TTC24: variants seen among roughly 807,000 people sequenced by gnomAD.
TTC24 encodes tetratricopeptide repeat domain 24.
In TTC24, 54 loss-of-function variants were observed where a neutral mutation model predicts 63.3. The observed-to-expected ratio is 0.85, with a 90% CI of 0.69 to 1.07. The LOEUF (loss-of-function observed/expected upper bound fraction) is 1.07. Among genes scored for constraint, TTC24 ranks in the 50% least tolerant of loss-of-function variants. TTC24 has a pLI of 0.00. For missense variants in TTC24, 680 were observed against 730.5 expected (o/e 0.93, Z 0.80); for synonymous variants, 276 against 304.3 (o/e 0.91, Z 0.97).
In TTC24 at chr1:156,585,301, G is replaced by A. The variant is rs564290177; in HGVS notation, c.1456+70G>A. On this transcript the variant is annotated intron_variant, in intron 8 of 10. Transcript: ENST00000368236. ...AAATATGGCACTCCCACCCCCACCC[G>A]CCTGCCTCCGCTTCTTATGCCCATC... 1.5e-5 allele frequency: 15 copies of A among 998,184 alleles called. No homozygotes were observed. In the African/African-American group the frequency reaches 1.5e-4, roughly 10 times the overall value. 61.8% of individuals were successfully genotyped at this position (998,184 alleles called of 1,614,324 possible).
In TTC24 at chr1:156,584,898, C is replaced by T. The variant is rs779250064; in HGVS notation, c.1273C>T (p.Gln425Ter). ...HTLTSAPGRL[Q>*]APGGASQAEG... ...CCAGACTTCGGCTCCGGGAAGACTCCAGGCTCCAGGTGGGGCCAGCCAGGC... is the reference window on the plus strand; with the variant it reads ...CCAGACTTCGGCTCCGGGAAGACTCTAGGCTCCAGGTGGGGCCAGCCAGGC... The change falls in exon 7 of 11, where the codon CAG becomes TAG. Residue 425 changes from glutamine to a stop codon, truncating the protein, a stop_gained. Transcript: ENST00000368236. LOFTEE classifies it high-confidence loss of function. The T allele has an allele frequency of 1.3e-5, 21 of 1,593,680 alleles. 1 individual carries two copies. In the South Asian group the frequency reaches 2.4e-4, roughly 18 times the overall value.
At chr1:156,584,460 T>C (rs778497735) in intron 6 of TTC24, 3 of 168,570 alleles carry the variant, frequency 1.8e-5, no homozygotes, top group Non-Finnish European at 2.5e-5. Flanking sequence ...ATGTATTTAA[T>C]AGGTTTTATG....
rs942435177 is a variant in TTC24, at chr1:156,583,651, C to G, written c.1153-146C>G. The G allele has an allele frequency of 5.5e-6, 5 of 913,666 alleles. No individual in the cohort carries two copies. The African/African-American group carries it at 6.7e-5, about 12-fold the overall frequency. 56.6% of individuals were successfully genotyped at this position (913,666 alleles called of 1,614,324 possible). On this transcript the variant is annotated intron_variant, in intron 5 of 10. Coordinates refer to ENST00000368236, the MANE Select transcript of TTC24 (RefSeq NM_001105669.4). The surrounding 1 kb of genome is among the most constrained non-coding windows in gnomAD (Gnocchi z 4.0). The stretch of plus-strand genomic sequence containing the variant: ...AATTCTGGGCAGGTGGTGGCAGGAC[C>G]CTGGGAAAGGCATGGGGATGGGGTA...
chr1:156,582,985 T>C, intron 3 of TTC24, 57 bp from the exon 4 acceptor site: 7 of 1,563,296 alleles, frequency 4.5e-6, no homozygotes, highest in Non-Finnish European at 6.1e-6. Flanking sequence ...GAGGGTGGGG[T>C]CCTGATGTCC....
At chr1:156,584,823 G>A (rs1677105675) in intron 6 of TTC24, 54 bp from the exon 7 acceptor site, 1 of 1,291,638 alleles carries the variant, frequency 7.7e-7, no homozygotes, top group South Asian at 1.5e-5. Context: ...CACACACGTA[G>A]CTGGGATGGC....
At chr1:156,584,798 A>T in intron 6 of TTC24, 79 bp from the exon 7 acceptor site, 1 of 911,204 alleles carries the variant, frequency 1.1e-6, no homozygotes, top group African/African-American at 1.7e-5. Context: ...CTATCACATA[A>T]GTCTCTGGAG....
chr1:156,583,578 TG>T lies in TTC24; in HGVS notation c.1152+129del, dbSNP rs929840202. 50 of 887,206 alleles carry T rather than the reference TG, an allele frequency of 5.6e-5. No individual in the cohort carries two copies. The highest frequency in any genetic ancestry group is 2.9e-4 in the Admixed American group (11 of 37,718). 55.0% of individuals were successfully genotyped at this position (887,206 alleles called of 1,614,324 possible). On this transcript the variant is annotated intron_variant, in intron 5 of 10. Coordinates refer to ENST00000368236, the MANE Select transcript of TTC24 (RefSeq NM_001105669.4). This position sits in a 1 kb window ranked among gnomAD's most constrained non-coding sequence, Gnocchi z 4.0. ...GCAAACATGCACTGGACACACTGTG[TG>T]CTAGGTCTTGGGATACTATTGTGAG...
rs780657367 is a variant in TTC24 at position 156,586,024 on chromosome 1, C to A, written c.1646C>A (p.Pro549His). 2.3e-5 allele frequency: 37 copies of A among 1,577,120 alleles called. No homozygotes were observed. The highest frequency in any genetic ancestry group is 3.1e-5 in the Non-Finnish European group (36 of 1,161,192). ...GCGGAGTACCCTAGCATCTTGGTAC[C>A]CAATGGCCCTCAAGCCAATAGGTGG... ...PRAEYPSILV[P>H]NGPQANRSSR... Residue 549 changes from proline (P) to histidine (H), a missense_variant, in exon 10 of 11, where the codon CCC (proline) becomes CAC (histidine). Pro to His is a moderately conservative substitution (Grantham distance 77, BLOSUM62 -2). Coordinates refer to ENST00000368236, the MANE Select transcript of TTC24 (RefSeq NM_001105669.4).
chr1:156,582,955 G>A (rs1220825618), intron 3 of TTC24, 87 bp from the exon 4 acceptor site: 3 of 1,514,260 alleles, frequency 2.0e-6, no homozygotes, highest in Non-Finnish European at 2.7e-6. Context: ...GGCCTCCTGG[G>A]AGGTCTGTCT....
At chr1:156,585,376 C>T (rs1032840631) in intron 8 of TTC24, 145 bp downstream of exon 8, 7 of 666,172 alleles carry the variant, frequency 1.1e-5, no homozygotes, top group Admixed American at 2.9e-5. Context: ...GGCACAACCT[C>T]GCGCCACCCC....
chr1:156,583,326 T>A lies in TTC24; in HGVS notation c.1040-12T>A, dbSNP rs755899006. 6.2e-7 allele frequency: 1 copy of A among 1,612,340 alleles called. No individual in the cohort carries two copies. Among genetic ancestry groups the A allele is most frequent in the Admixed American group, 1.7e-5 (1 of 59,750 alleles). On this transcript the variant is annotated splice_polypyrimidine_tract_variant and intron_variant, in intron 4 of 10. Coordinates refer to ENST00000368236, the MANE Select transcript of TTC24 (RefSeq NM_001105669.4). The surrounding 1 kb of genome is among the most constrained non-coding windows in gnomAD (Gnocchi z 4.0). ...AGTCATGAAAGGACCTTCCAGGCTC[T>A]CTTTCTCTCAGGGGACATGAAGGGA...
At position 156,582,747 on chromosome 1, in the gene TTC24, T is replaced by G. The variant is rs542871471; in HGVS notation, c.911-295T>G. ...TGTTTGTGTGACATTGAGGAACCAC[T>G]TTCACTCTCCGAGCTTCAGTTTCCA... On this transcript the variant is annotated intron_variant, in intron 3 of 10. Transcript: ENST00000368236. 7.3e-4 allele frequency among the ~76,000 whole-genome samples: 111 copies of G among 152,316 alleles called. No homozygotes were observed. The Middle Eastern group carries it at 0.014, about 19-fold the overall frequency.
In TTC24 at chr1:156,583,677, G is replaced by A; in HGVS notation, c.1153-120G>A. The stretch of plus-strand genomic sequence containing the variant: ...CTGGGAAAGGCATGGGGATGGGGTA[G>A]AAGAGAGGGGAAACAAAGCCCCCCT... On this transcript the variant is annotated intron_variant, in intron 5 of 10. Transcript: ENST00000368236. The surrounding 1 kb of genome is among the most constrained non-coding windows in gnomAD (Gnocchi z 4.0). 9.8e-7 allele frequency: 1 copy of A among 1,018,648 alleles called. No individual in the cohort carries two copies. Among genetic ancestry groups the A allele is most frequent in the Admixed American group, 2.1e-5 (1 of 47,570 alleles). 63.1% of individuals were successfully genotyped at this position (1,018,648 alleles called of 1,614,324 possible). A position where few individuals can be genotyped will look rare whatever the true frequency, so the allele number is the denominator to read the frequency against.
intron 10 of TTC24, 114 bp from the exon 11 acceptor site, chr1:156,586,355 C>G: frequency 1.2e-6 from 1 of 851,682 alleles, no homozygotes; most frequent in Non-Finnish European, 1.9e-6. Flanking sequence ...TCTCTGGAGC[C>G]CACCAGCAGA....
rs377706863 is a variant in TTC24, at chr1:156,580,602, C to T, written c.-4-759C>T. On this transcript the variant is annotated intron_variant, in intron 1 of 10. Transcript: ENST00000368236. Reference sequence around the variant, plus strand: ...AAGCAATTCTCCTGCCTCAGCCTCCCGAGTAGCTGGGATTACAGGCGCCCG... The same window carrying T: ...AAGCAATTCTCCTGCCTCAGCCTCCTGAGTAGCTGGGATTACAGGCGCCCG... Among the ~76,000 whole-genome samples, 789 of 150,538 alleles carry T rather than the reference C, an allele frequency of 5.2e-3. 8 individuals are homozygous for T. Among genetic ancestry groups the T allele is most frequent in the African/African-American group, 0.016 (672 of 40,996 alleles).
rs190409747 is a variant in TTC24, at chr1:156,583,176, C to T, written c.1039+6C>T. 6.8e-6 allele frequency: 11 copies of T among 1,606,992 alleles called. No homozygotes were observed. Among genetic ancestry groups the T allele is most frequent in the South Asian group, 1.1e-5 (1 of 90,542 alleles). ...GCAGGCTGCCCGGGACTCTGGTAAG[C>T]GTGAGAGGGTTGGGATGTGACTGGG... is the stretch of plus-strand genomic sequence containing the variant. On this transcript the variant is annotated splice_donor_region_variant and intron_variant, in intron 4 of 10. Coordinates refer to ENST00000368236, the MANE Select transcript of TTC24 (RefSeq NM_001105669.4). This position sits in a 1 kb window ranked among gnomAD's most constrained non-coding sequence, Gnocchi z 4.0.
rs983462582 is a variant in TTC24 at position 156,580,410 on chromosome 1, G to T, written c.-5+652G>T. ...AGTACCTAGATGATGAGTGAGGGGG[G>T]TGTCTGTGGAGGCACAGTGTGAAGG... On this transcript the variant is annotated intron_variant, in intron 1 of 10. Transcript: ENST00000368236. Among the ~76,000 whole-genome samples the T allele has an allele frequency of 2.6e-5, 4 of 151,882 alleles. No individual in the cohort carries two copies. In the South Asian group the frequency reaches 6.3e-4, roughly 24 times the overall value.
intron 7 of TTC24, 61 bp from the exon 8 acceptor site, chr1:156,585,064 C>T: frequency 1.3e-6 from 2 of 1,553,142 alleles, no homozygotes; most frequent in Non-Finnish European, 1.8e-6. Context: ...ATGTGTATCC[C>T]CAGGAAGGAG....
rs753094823 is a variant in TTC24, at chr1:156,583,052, G to A, written c.921G>A (p.Gly307=). The A allele has an allele frequency of 1.9e-5, 31 of 1,612,354 alleles. No homozygotes were observed. The African/African-American group carries it at 3.3e-4, about 17-fold the overall frequency. ...GGGCTCTGTCCTCAGGCTCTGTGGGGCAGCGGTGGGAGCAGGGCCGGAGCT... is the reference window on the plus strand; with the variant it reads ...GGGCTCTGTCCTCAGGCTCTGTGGGACAGCGGTGGGAGCAGGGCCGGAGCT... ...QKAADLHGSV[G]QRWEQGRSFG... is the part of the protein sequence containing the mutation. The change falls in exon 4 of 11, where the codon GGG becomes GGA. Residue 307 remains glycine (G), a synonymous_variant. Transcript: ENST00000368236. This position sits in a 1 kb window ranked among gnomAD's most constrained non-coding sequence, Gnocchi z 4.0.
Sources: gnomAD v4.1 joint callset for allele counts (sites outside exome capture counted in the v4.1 genomes callset) on GRCh38, gnomAD v4.1.1 for gene constraint, Gnocchi (gnomAD v3.1) non-coding constraint, MANE v1.5 for transcripts, NCBI Gene and HGNC (gene_info 2026-07-23, HGNC 2026-07-21) for gene names.